The following KIAA0513 variants were observed in gnomAD, a reference collection of about 807,000 sequenced individuals.
The protein encoded by KIAA0513 is uncharacterized protein KIAA0513.
Under a neutral mutation model 56.5 loss-of-function variants are expected in KIAA0513, and 39 were observed. The ratio of observed to expected loss-of-function variants is 0.69; its 90% CI spans 0.53 to 0.90. The LOEUF (loss-of-function observed/expected upper bound fraction) is 0.90. KIAA0513 is among the 40% of genes least tolerant of loss of function. The probability of loss-of-function intolerance (pLI) is 0.00; values close to 1 mark genes in which losing one functional copy is unlikely to be tolerated. For missense variants in KIAA0513, 591 were observed against 535.2 expected (o/e 1.10, Z -1.03); for synonymous variants, 268 against 215.6 (o/e 1.24, Z -2.13).
intron 4 of KIAA0513, among the ~76,000 whole-genome samples, chr16:85,073,924 A>G (rs1005947605): frequency 1.3e-5 from 2 of 152,100 alleles, no homozygotes; most frequent in Admixed American, 1.3e-4. Flanking sequence ...TCTCCCAACC[A>G]AAAGAAAGCT....
chr16:85,060,149 C>T (rs555986319), intron 1 of KIAA0513, among the ~76,000 whole-genome samples: 43 of 152,182 alleles, frequency 2.8e-4, no homozygotes, highest in Admixed American at 1.7e-3. Context: ...TTAATAGAGA[C>T]GGGATTTCAC....
At chr16:85,075,371 C>G (rs894324729) in intron 4 of KIAA0513, among the ~76,000 whole-genome samples, 1 of 152,286 alleles carries the variant, frequency 6.6e-6, no homozygotes, top group East Asian at 1.9e-4. Context: ...AGACCAAGAC[C>G]TGTTGAATCA....
chr16:85,052,954 G>A (rs186866082), intron 1 of KIAA0513, among the ~76,000 whole-genome samples: 28 of 152,084 alleles, frequency 1.8e-4, no homozygotes, highest in African/African-American at 4.8e-4. Flanking sequence ...GCAGTGGCAC[G>A]ATCTCGGCTC....
intron 1 of KIAA0513, among the ~76,000 whole-genome samples, chr16:85,034,712 C>T (rs2073011387): frequency 6.6e-6 from 1 of 152,192 alleles, no homozygotes; most frequent in South Asian, 2.1e-4. Flanking sequence ...CAGCTGTGTG[C>T]CCAGTGCCTT....
At chr16:85,032,652 A>G (rs1490186761) in intron 1 of KIAA0513, among the ~76,000 whole-genome samples, 1 of 150,996 alleles carries the variant, frequency 6.6e-6, no homozygotes, top group Non-Finnish European at 1.5e-5. Flanking sequence ...TTTTTTTGAG[A>G]CAGAGTTTCA....
chr16:85,087,222 G>T, intron 12 of KIAA0513, 56 bp downstream of exon 12: 1 of 1,408,172 alleles, frequency 7.1e-7, no homozygotes, highest in Admixed American at 1.7e-5. Context: ...TCAGGAGCCA[G>T]TGCTGTGCCC....
Position 85,028,039 on chromosome 16 carries a change from C to G in KIAA0513, c.-173+181C>G, listed in dbSNP as rs1461191521. On this transcript the variant is annotated intron_variant, in intron 1 of 12. Coordinates refer to ENST00000683363, the MANE Select transcript of KIAA0513 (RefSeq NM_001388359.1). The stretch of plus-strand genomic sequence containing the variant: ...CGAGCGGGGGCGGGGCCTCGCGGGC[C>G]GAGGGCTCAGGCCGGGGTTCTCCGC... Among the ~76,000 whole-genome samples, 5 of 152,062 alleles carry G rather than the reference C, an allele frequency of 3.3e-5. No homozygotes were observed. In the East Asian group the frequency reaches 9.7e-4, roughly 30 times the overall value.
intron 1 of KIAA0513, among the ~76,000 whole-genome samples, chr16:85,039,671 C>G (rs1358209773): frequency 1.3e-5 from 2 of 152,068 alleles, no homozygotes; most frequent in African/African-American, 4.8e-5. Context: ...TGGGGTTTCG[C>G]CATGTTGGCC....
At chr16:85,082,383 G>A (rs922413054) in intron 9 of KIAA0513, among the ~76,000 whole-genome samples, 181 bp from the exon 10 acceptor site, 4 of 152,056 alleles carry the variant, frequency 2.6e-5, no homozygotes, top group Admixed American at 6.5e-5. Context: ...GCAGAGGGGC[G>A]TTGCCTCTTT....
At chr16:85,082,066 T>C (rs975582754) in intron 9 of KIAA0513, among the ~76,000 whole-genome samples, 7 of 152,068 alleles carry the variant, frequency 4.6e-5, no homozygotes, top group African/African-American at 1.7e-4. Context: ...ATAAAGCACA[T>C]CCCTCCCCCT....
Position 85,078,464 on chromosome 16 carries a change from G to T in KIAA0513, c.823+9G>T. The T allele has an allele frequency of 8.1e-6, 13 of 1,613,108 alleles. No homozygotes were observed. Among genetic ancestry groups the T allele is most frequent in the Non-Finnish European group, 1.0e-5 (12 of 1,179,866 alleles). ...GAAGCGGCCCAGGGCTGGTGAGTCT[G>T]CCCAGGCAGCAGCAGGAGACGCCCA... is the stretch of plus-strand genomic sequence containing the variant. On this transcript the variant is annotated intron_variant, in intron 7 of 12. Coordinates refer to ENST00000683363, the MANE Select transcript of KIAA0513 (RefSeq NM_001388359.1).
At chr16:85,065,991 T>C (rs2144006156) in intron 1 of KIAA0513, among the ~76,000 whole-genome samples, 1 of 152,244 alleles carries the variant, frequency 6.6e-6, no homozygotes, top group South Asian at 2.1e-4. Context: ...TAGTCAGGAG[T>C]CCTCGCTGGG....
chr16:85,073,438 TG>T, intron 4 of KIAA0513, among the ~76,000 whole-genome samples: 1 of 152,338 alleles, frequency 6.6e-6, no homozygotes. Flanking sequence ...TAGGCACTGC[TG>T]GGGCCTTTTA....
chr16:85,034,041 C>T (rs192417534), intron 1 of KIAA0513, among the ~76,000 whole-genome samples: 12 of 152,266 alleles, frequency 7.9e-5, no homozygotes, highest in African/African-American at 1.7e-4. Flanking sequence ...CCTCCAACCT[C>T]GCCACAGCAC....
At chr16:85,069,036 A>C (rs2043533473) in intron 2 of KIAA0513, among the ~76,000 whole-genome samples, 1 of 151,820 alleles carries the variant, frequency 6.6e-6, no homozygotes, top group Non-Finnish European at 1.5e-5. Context: ...TAAGGAGCAG[A>C]TTCTTTTTTA....
At chr16:85,034,682 G>A (rs1373934664) in intron 1 of KIAA0513, among the ~76,000 whole-genome samples, 2 of 152,184 alleles carry the variant, frequency 1.3e-5, no homozygotes, top group Non-Finnish European at 2.9e-5. Flanking sequence ...CATATTTATA[G>A]GGTTTCCTCT....
intron 1 of KIAA0513, among the ~76,000 whole-genome samples, chr16:85,066,017 G>A (rs928595713): frequency 6.6e-6 from 1 of 152,240 alleles, no homozygotes; most frequent in Non-Finnish European, 1.5e-5. Flanking sequence ...CATGGCTACG[G>A]TGGTGCCAGG....
intron 6 of KIAA0513, 107 bp from the exon 7 acceptor site, chr16:85,078,308 C>T (rs1011498055): frequency 4.3e-6 from 5 of 1,151,490 alleles, no homozygotes; most frequent in Middle Eastern, 1.9e-4. Context: ...CAGAGCAAGC[C>T]GTATTAAATG....
intron 1 of KIAA0513, among the ~76,000 whole-genome samples, chr16:85,041,951 G>A (rs531039780): frequency 7.2e-5 from 11 of 152,228 alleles, no homozygotes; most frequent in African/African-American, 2.6e-4. Context: ...CCTATGCTGC[G>A]CACTCCTGTC....
Sources: gnomAD v4.1 joint callset for allele counts (sites outside exome capture counted in the v4.1 genomes callset) on GRCh38, gnomAD v4.1.1 for gene constraint, MANE v1.5 for transcripts, NCBI Gene and HGNC (gene_info 2026-07-23, HGNC 2026-07-21) for gene names.